Variants in EPM2A observed in about 807,000 individuals in gnomAD.
The protein encoded by EPM2A is EPM2A glucan phosphatase, laforin.
A neutral mutation model predicts 26.5 loss-of-function variants in EPM2A; 21 were observed. That is an observed-to-expected ratio of 0.79 (90% CI 0.56 to 1.14). The LOEUF (loss-of-function observed/expected upper bound fraction) is 1.14. Among genes scored for constraint, EPM2A ranks in the 50% most tolerant of loss-of-function variants. The pLI, the probability that EPM2A is intolerant of heterozygous loss-of-function variation, is 0.00. For synonymous variants in EPM2A, 217 were observed against 177.6 expected (o/e 1.22, Z -1.76); for missense variants, 458 against 440.8 (o/e 1.04, Z -0.35).
upstream of EPM2A, chr6:145,735,565 C>G (rs1425251752): frequency 7.2e-6 from 8 of 1,115,572 alleles, no homozygotes; most frequent in East Asian, 1.9e-4. Context: ...GGCCCGAGCA[C>G]TAGGCGGCCG....
intron 4 of EPM2A, among the ~76,000 whole-genome samples, chr6:145,483,256 A>ACT (rs1779632683): frequency 6.6e-6 from 1 of 152,100 alleles, no homozygotes; most frequent in Non-Finnish European, 1.5e-5. Context: ...CACATAAGCC[A>ACT]AGTGTCTAGC....
At chr6:145,698,168 G>A (rs1036931464) in intron 1 of EPM2A, among the ~76,000 whole-genome samples, 3 of 152,022 alleles carry the variant, frequency 2.0e-5, no homozygotes, top group Non-Finnish European at 4.4e-5. Flanking sequence ...CTGACCTCCC[G>A]CAACAATTTG....
chr6:145,616,211 C>T (rs1241026360), intron 2 of EPM2A, among the ~76,000 whole-genome samples: 1 of 152,204 alleles, frequency 6.6e-6, no homozygotes, highest in East Asian at 1.9e-4. Context: ...GCCCTGCATC[C>T]CAGCTGTTCC....
At chr6:145,507,765 A>G (rs1779997132) in intron 2 of EPM2A, among the ~76,000 whole-genome samples, 1 of 152,194 alleles carries the variant, frequency 6.6e-6, no homozygotes, top group Admixed American at 6.5e-5. Context: ...CCAGCAGTAG[A>G]TGCTAGAATT....
chr6:145,447,905 A>G (rs1158046723), intron 4 of EPM2A, among the ~76,000 whole-genome samples: 3 of 152,136 alleles, frequency 2.0e-5, no homozygotes, highest in Admixed American at 2.0e-4. Flanking sequence ...GTTAATAAGT[A>G]AGGCTTGAAT....
At chr6:145,456,305 G>A (rs1424966111) in intron 4 of EPM2A, among the ~76,000 whole-genome samples, 1 of 152,104 alleles carries the variant, frequency 6.6e-6, no homozygotes, top group Non-Finnish European at 1.5e-5. Context: ...TATTATACTT[G>A]GTACCCCAGT....
At chr6:145,531,017 C>T (rs1439111298) in intron 2 of EPM2A, among the ~76,000 whole-genome samples, 3 of 152,158 alleles carry the variant, frequency 2.0e-5, no homozygotes, top group Non-Finnish European at 4.4e-5. Flanking sequence ...TCTTTCTCTC[C>T]TTTGCAGCAA....
chr6:145,613,651 C>G (rs1582897225), intron 2 of EPM2A, among the ~76,000 whole-genome samples: 1 of 152,140 alleles, frequency 6.6e-6, no homozygotes, highest in East Asian at 1.9e-4. Context: ...ATAAATCTCC[C>G]TAGACATATT....
intron 3 of EPM2A, chr6:145,630,319 A>G (rs1001574983): frequency 6.6e-6 from 1 of 152,258 alleles, no homozygotes; most frequent in African/African-American, 2.4e-5. Context: ...AATACTTAAG[A>G]AGGGTATCAG....
chr6:145,686,063 T>C (rs1780880948), intron 2 of EPM2A, 59 bp downstream of exon 2: 2 of 1,477,326 alleles, frequency 1.4e-6, no homozygotes, highest in Admixed American at 1.7e-5. Flanking sequence ...AATATTTCCA[T>C]TGTGCTAATG....
intron 4 of EPM2A, among the ~76,000 whole-genome samples, chr6:145,477,740 A>C (rs1779560321): frequency 6.6e-6 from 1 of 151,920 alleles, no homozygotes; most frequent in African/African-American, 2.4e-5. Flanking sequence ...TTGCTTCATG[A>C]TGAAAACCAT....
intron 2 of EPM2A, among the ~76,000 whole-genome samples, chr6:145,561,693 C>A (rs1411878044): frequency 2.6e-5 from 4 of 152,166 alleles, no homozygotes; most frequent in Admixed American, 1.3e-4. Flanking sequence ...AATGCATGAA[C>A]TACTTCCCAG....
At chr6:145,700,832 G>A (rs1781870531) in intron 1 of EPM2A, among the ~76,000 whole-genome samples, 1 of 152,108 alleles carries the variant, frequency 6.6e-6, no homozygotes, top group Non-Finnish European at 1.5e-5. Context: ...TCCAGAATGT[G>A]GACTAAATAA....
intron 1 of EPM2A, among the ~76,000 whole-genome samples, chr6:145,717,355 A>G (rs1231623220): frequency 6.6e-6 from 1 of 152,238 alleles, no homozygotes; most frequent in Non-Finnish European, 1.5e-5. Context: ...AAACAGAACC[A>G]AAGACAAAAA....
At chr6:145,711,325 G>A (rs1380940508) in intron 1 of EPM2A, among the ~76,000 whole-genome samples, 2 of 152,202 alleles carry the variant, frequency 1.3e-5, no homozygotes. Context: ...AATACAGACA[G>A]CCCAGCCTAC....
intron 2 of EPM2A, among the ~76,000 whole-genome samples, chr6:145,600,685 A>C (rs1781405937): frequency 1.3e-5 from 2 of 152,186 alleles, no homozygotes; most frequent in African/African-American, 4.8e-5. Context: ...GGTGCTGGAG[A>C]GACACTGAAG....
At chr6:145,488,168 T>C (rs936871232) in intron 4 of EPM2A, among the ~76,000 whole-genome samples, 1 of 152,120 alleles carries the variant, frequency 6.6e-6, no homozygotes, top group Non-Finnish European at 1.5e-5. Context: ...TTCTGTTCCA[T>C]TGGTCTAGGT....
intron 4 of EPM2A, chr6:145,491,796 C>T: frequency 1.9e-6 from 1 of 533,414 alleles, no homozygotes; most frequent in South Asian, 1.4e-5. Context: ...TCATTGGCTT[C>T]TTCTTCTCCT....
intron 4 of EPM2A, among the ~76,000 whole-genome samples, chr6:145,416,485 T>C (rs2114679524): frequency 6.6e-6 from 1 of 152,210 alleles, no homozygotes; most frequent in Non-Finnish European, 1.5e-5. Flanking sequence ...AGAAGTAGGA[T>C]ATATTGAGCA....
Sources: allele counts gnomAD v4.1 joint callset (sites outside exome capture counted in the v4.1 genomes callset), GRCh38; gene constraint gnomAD v4.1.1; transcripts MANE v1.5; gene names NCBI Gene and HGNC (gene_info 2026-07-23, HGNC 2026-07-21).